ALMS1: variants seen among roughly 807,000 people sequenced by gnomAD.
ALMS1 encodes centrosome-associated protein ALMS1.
ALMS1 carries 271 observed loss-of-function variants against 352.2 expected under a neutral mutation model. The ratio of observed to expected loss-of-function variants is 0.77; its 90% CI spans 0.70 to 0.85. ALMS1 has a LOEUF of 0.85. ALMS1 is among the 40% of genes least tolerant of loss of function. The probability of loss-of-function intolerance (pLI) is 0.00; values close to 1 mark genes in which losing one functional copy is unlikely to be tolerated. For synonymous variants in ALMS1, 1,865 were observed against 1,761.2 expected (o/e 1.06, Z -1.48); for missense variants, 5,445 against 4,870.7 (o/e 1.12, Z -3.51).
chr2:73,541,095 AT>A (rs1176898980), intron 12 of ALMS1, among the ~76,000 whole-genome samples: 3 of 152,150 alleles, frequency 2.0e-5, no homozygotes, highest in African/African-American at 4.8e-5. Flanking sequence ...TACCACACCT[AT>A]TCCAAAAGTG....
At chr2:73,554,919 G>T (rs984580289) in intron 13 of ALMS1, among the ~76,000 whole-genome samples, 1 of 151,960 alleles carries the variant, frequency 6.6e-6, no homozygotes, top group Non-Finnish European at 1.5e-5. Context: ...AATCTAAAAG[G>T]GTCTGTAAGA....
chr2:73,519,637 A>G, intron 10 of ALMS1, 138 bp from the exon 11 acceptor site: 2 of 1,085,128 alleles, frequency 1.8e-6, no homozygotes, highest in Non-Finnish European at 2.6e-6. Flanking sequence ...ATTTTACCTT[A>G]ATAACGTTTG....
intron 11 of ALMS1, among the ~76,000 whole-genome samples, chr2:73,524,322 T>C (rs1326582895): frequency 6.6e-6 from 1 of 152,216 alleles, no homozygotes; most frequent in African/African-American, 2.4e-5. Flanking sequence ...ATTTATGAGG[T>C]ACATGAGCTA....
intron 16 of ALMS1, among the ~76,000 whole-genome samples, chr2:73,577,937 C>G (rs1172262134): frequency 1.3e-5 from 2 of 152,138 alleles, no homozygotes; most frequent in East Asian, 1.9e-4. Context: ...CCTTATCAGT[C>G]TTTTGTCCAG....
chr2:73,437,094 A>G (rs529894134), intron 7 of ALMS1, among the ~76,000 whole-genome samples: 7 of 152,264 alleles, frequency 4.6e-5, no homozygotes, highest in African/African-American at 1.7e-4. Flanking sequence ...ATTGCTCACC[A>G]CCAAGATCTC....
chr2:73,471,781 T>C (rs536324544), intron 9 of ALMS1, among the ~76,000 whole-genome samples: 1 of 151,926 alleles, frequency 6.6e-6, no homozygotes, highest in Admixed American at 6.6e-5. Flanking sequence ...TGTAAAATGG[T>C]GTAGCTGCTG....
intron 9 of ALMS1, among the ~76,000 whole-genome samples, chr2:73,472,386 T>G (rs1049547913): frequency 5.3e-5 from 8 of 152,094 alleles, no homozygotes; most frequent in Admixed American, 2.0e-4. Context: ...GAATATTTCT[T>G]TATAGTAGAA....
intron 11 of ALMS1, among the ~76,000 whole-genome samples, chr2:73,521,241 A>C (rs1258819781): frequency 6.6e-6 from 1 of 152,156 alleles, no homozygotes; most frequent in Non-Finnish European, 1.5e-5. Context: ...AACCTAAAAA[A>C]TCTCTATGGT....
At chr2:73,535,026 A>G in intron 12 of ALMS1, 77 bp downstream of exon 12, 1 of 1,565,342 alleles carries the variant, frequency 6.4e-7, no homozygotes, top group Non-Finnish European at 8.8e-7. Context: ...CTGGAGTGAC[A>G]AAAGTCCAGT....
chr2:73,537,124 C>T (rs1674045648), intron 12 of ALMS1, among the ~76,000 whole-genome samples: 1 of 152,124 alleles, frequency 6.6e-6, no homozygotes, highest in Non-Finnish European at 1.5e-5. Context: ...GTGCTAAAGG[C>T]CTCTGGTGAA....
At chr2:73,465,096 C>G (rs1244792423) in intron 9 of ALMS1, among the ~76,000 whole-genome samples, 4 of 152,192 alleles carry the variant, frequency 2.6e-5, no homozygotes, top group African/African-American at 9.7e-5. Context: ...CCATCCCCAT[C>G]AAGCTACCGG....
At chr2:73,460,973 A>T (rs1401356272) in intron 9 of ALMS1, among the ~76,000 whole-genome samples, 1 of 152,240 alleles carries the variant, frequency 6.6e-6, no homozygotes, top group East Asian at 1.9e-4. Context: ...ACTACAGCTC[A>T]AGGAGGCCTG....
intron 7 of ALMS1, among the ~76,000 whole-genome samples, chr2:73,434,595 C>A (rs1327200498): frequency 6.6e-6 from 1 of 152,136 alleles, no homozygotes; most frequent in Non-Finnish European, 1.5e-5. Context: ...TGTCTTTCAG[C>A]TCTAGTGGGT....
chr2:73,596,852 C>G (rs1256096880), intron 16 of ALMS1, among the ~76,000 whole-genome samples: 1 of 139,870 alleles, frequency 7.1e-6, no homozygotes, highest in East Asian at 2.1e-4. Context: ...AATATAAGCC[C>G]TCTACCTCTT....
intron 13 of ALMS1, among the ~76,000 whole-genome samples, chr2:73,550,766 T>TTA (rs1185680514): frequency 6.6e-6 from 1 of 152,206 alleles, no homozygotes; most frequent in Non-Finnish European, 1.5e-5. Context: ...CCACATTAGT[T>TTA]TATCTCTGTC....
At chr2:73,485,060 C>G (rs1372230849) in intron 9 of ALMS1, among the ~76,000 whole-genome samples, 4 of 152,108 alleles carry the variant, frequency 2.6e-5, no homozygotes, top group Admixed American at 6.5e-5. Flanking sequence ...CGTCTGAAGC[C>G]TTCTTCTCTC....
chr2:73,586,905 G>T (rs918047121), intron 16 of ALMS1, among the ~76,000 whole-genome samples: 8 of 152,100 alleles, frequency 5.3e-5, no homozygotes, highest in Non-Finnish European at 8.8e-5. Flanking sequence ...CCATTTGTTT[G>T]TGTCATCAAT....
chr2:73,386,549 A>G (rs1670538717), intron 1 of ALMS1, among the ~76,000 whole-genome samples: 1 of 152,032 alleles, frequency 6.6e-6, no homozygotes, highest in Non-Finnish European at 1.5e-5. Context: ...TTGCCTGGGG[A>G]GCATCTTGTT....
chr2:73,525,479 T>TGAGATG lies in ALMS1; in HGVS notation c.9781+5465_9781+5470dup, dbSNP rs1673771537. 2.0e-5 allele frequency among the ~76,000 whole-genome samples: 3 copies of TGAGATG among 152,218 alleles called. No homozygotes were observed. The South Asian group carries it at 6.2e-4, about 32-fold the overall frequency. ...TTGAATAAAACCATTTTAACTGGGG[T>TGAGATG]GAGATGGTATCTCATTGTAGTTTTG... On this transcript the variant is annotated intron_variant, in intron 11 of 22. Transcript: ENST00000613296.
Sources: gnomAD v4.1 joint callset for allele counts (sites outside exome capture counted in the v4.1 genomes callset) on GRCh38, gnomAD v4.1.1 for gene constraint, MANE v1.5 for transcripts, NCBI Gene and HGNC (gene_info 2026-07-23, HGNC 2026-07-21) for gene names.